BACE2: variants seen among roughly 807,000 people sequenced by gnomAD.
BACE2 encodes the protein beta-secretase 2.
In BACE2, 17 loss-of-function variants were observed where a neutral mutation model predicts 46.2. The observed-to-expected ratio is 0.37, with a 90% confidence interval of 0.25 to 0.55. BACE2 has a LOEUF of 0.55. Among genes scored for constraint, BACE2 ranks in the 20% least tolerant of loss-of-function variants. The pLI, the probability that BACE2 is intolerant of heterozygous loss-of-function variation, is 0.82. For synonymous variants in BACE2, 277 were observed against 295.9 expected, an observed-to-expected ratio of 0.94 and a Z score of 0.66; for missense variants, 595 against 698.1, an observed-to-expected ratio of 0.85 and a Z score of 1.66.
Position 41,237,721 on chromosome 21 carries a change from C to T in BACE2, c.610C>T (p.Leu204Phe), listed in dbSNP as rs1209863776. The stretch of plus-strand genomic sequence containing the variant: ...AATACTTGGCCTAGCTTATGCCACA[C>T]TTGCCAAGGTAAGGCTAATCCATGG... ...NGILGLAYAT[L>F]AKPSSSLETF... Residue 204 changes from leucine (L) to phenylalanine (F), a missense_variant, in exon 3 of 9, where the codon CTT becomes TTT. Around this residue, in one of 3 missense-constraint regions of BACE2, gnomAD observed 343 missense variants for 419.4 expected, o/e 0.82. Coordinates refer to ENST00000330333, the MANE Select transcript of BACE2 (RefSeq NM_012105.5). The T allele has an allele frequency of 6.2e-7, 1 of 1,612,828 alleles. No homozygotes were observed. The highest frequency in any genetic ancestry group is 8.5e-7 in the Non-Finnish European group (1 of 1,178,826).
chr21:41,179,188 G>C lies in BACE2; in HGVS notation c.312+10613G>C, dbSNP rs376232150. On this transcript the variant is annotated intron_variant, in intron 1 of 8. Coordinates refer to ENST00000330333, the MANE Select transcript of BACE2 (RefSeq NM_012105.5). ...AGGAGTGAGGGTGTCAGGGTGAGGA[G>C]TGAGGGTGTCCAGGTTGAGTGAGGG... 9.1e-5 allele frequency: 115 copies of C among 1,267,006 alleles called. No homozygotes were observed. In the Middle Eastern group the frequency reaches 1.1e-3, roughly 12 times the overall value. The allele number at this position is 1,267,006 out of a possible 1,614,324, so 78.5% of individuals were successfully genotyped here.
At position 41,276,287 on chromosome 21, in the gene BACE2, C is replaced by T. The variant is rs1217011457; in HGVS notation, c.*663C>T. 6.6e-6 allele frequency: 1 copy of T among 152,296 alleles called. No homozygotes were observed. The highest frequency in any genetic ancestry group is 1.5e-5 in the Non-Finnish European group (1 of 68,172). The allele number at this position is 152,296 out of a possible 1,614,324, so 9.4% of individuals were successfully genotyped here. A position where few individuals can be genotyped will look rare whatever the true frequency, so the allele number is the denominator to read the frequency against. ...TTCTGAAGATGGAAGGCCTTTTGCC[C>T]GTTGAGGTAGAGGGGAAGGAAATCT... On this transcript the variant is annotated 3_prime_UTR_variant, in exon 9 of 9. Coordinates refer to ENST00000330333, the MANE Select transcript of BACE2 (RefSeq NM_012105.5).
chr21:41,233,598 C>T (rs1038173861), intron 2 of BACE2, among the ~76,000 whole-genome samples: 9 of 152,204 alleles, frequency 5.9e-5, no homozygotes, highest in African/African-American at 2.2e-4. Context: ...TTTCTATAGC[C>T]TGGACAGAGT....
rs191292200 is a variant in BACE2, at chr21:41,251,528, C to T, written c.1134+627C>T. Among the ~76,000 whole-genome samples, 511 of 152,318 alleles carry T rather than the reference C, an allele frequency of 3.4e-3. 6 individuals are homozygous for T. Among genetic ancestry groups the T allele is most frequent in the African/African-American group, 0.012 (482 of 41,574 alleles). On this transcript the variant is annotated intron_variant, in intron 7 of 8. Coordinates refer to ENST00000330333, the MANE Select transcript of BACE2 (RefSeq NM_012105.5). The stretch of plus-strand genomic sequence containing the variant: ...ATAAAGAATAAAAGTGGGCTGGGTG[C>T]GGTGGCTCACGCCTGTAATCCCAGC...
At chr21:41,226,487 T>C (rs1215496676) in intron 2 of BACE2, 133 bp downstream of exon 2, 4 of 726,046 alleles carry the variant, frequency 5.5e-6, no homozygotes, top group Admixed American at 5.6e-5. Flanking sequence ...TGTGTATGTA[T>C]ACACACATGT....
chr21:41,222,669 C>T (rs1361028751), intron 1 of BACE2, among the ~76,000 whole-genome samples: 1 of 152,210 alleles, frequency 6.6e-6, no homozygotes, highest in Non-Finnish European at 1.5e-5. Flanking sequence ...TGTAATAGGA[C>T]TGTGGTGGCT....
At chr21:41,230,791 T>C (rs1257871343) in intron 2 of BACE2, among the ~76,000 whole-genome samples, 2 of 152,144 alleles carry the variant, frequency 1.3e-5, no homozygotes, top group Admixed American at 1.3e-4. Flanking sequence ...CATCTTTTCA[T>C]GGTGGTGAAT....
rs540354684 is a variant in BACE2, at chr21:41,282,237, G to C, written c.*6613G>C. The C allele has an allele frequency of 6.6e-6, 1 of 152,196 alleles. No homozygotes were observed. The highest frequency in any genetic ancestry group is 2.4e-5 in the African/African-American group (1 of 41,528). The allele number at this position is 152,196 out of a possible 1,614,324, so 9.4% of individuals were successfully genotyped here. On this transcript the variant is annotated 3_prime_UTR_variant, in exon 9 of 9. Transcript: ENST00000330333. Reference sequence around the variant, plus strand: ...TTTCTTAAGTGTAACTTGTATTTCTGAAAATGCTTAAAATTATTTTATATT... The same window carrying C: ...TTTCTTAAGTGTAACTTGTATTTCTCAAAATGCTTAAAATTATTTTATATT...
At chr21:41,230,894 C>T (rs1314471367) in intron 2 of BACE2, among the ~76,000 whole-genome samples, 1 of 152,190 alleles carries the variant, frequency 6.6e-6, no homozygotes, top group East Asian at 1.9e-4. Flanking sequence ...CCAATAAAAT[C>T]TCACCTCCAG....
At chr21:41,179,053 G>A in intron 1 of BACE2, 1 of 1,125,448 alleles carries the variant, frequency 8.9e-7, no homozygotes, top group South Asian at 1.6e-5. Context: ...TGCAGCCAGG[G>A]AGGTGAAGAC....
chr21:41,247,822 T>C (rs914187), intron 6 of BACE2, among the ~76,000 whole-genome samples: 95,107 of 152,112 alleles, frequency 0.63, 29,917 homozygotes, highest in Admixed American at 0.68. Context: ...ATGGGAAGGT[T>C]GTTTGTCTTG....
intron 2 of BACE2, among the ~76,000 whole-genome samples, chr21:41,230,744 A>G (rs769938424): frequency 5.3e-5 from 8 of 152,214 alleles, no homozygotes; most frequent in Non-Finnish European, 1.0e-4. Context: ...ATGTCAGGCT[A>G]CCATTAGTCA....
Position 41,281,498 on chromosome 21 carries a change from G to C in BACE2, c.*5874G>C, listed in dbSNP as rs1466830580. 7.2e-5 allele frequency: 11 copies of C among 152,182 alleles called. No individual in the cohort carries two copies. The highest frequency in any genetic ancestry group is 7.2e-4 in the Admixed American group (11 of 15,284). The allele number at this position is 152,182 out of a possible 1,614,324, so 9.4% of individuals were successfully genotyped here. A position where few individuals can be genotyped will look rare whatever the true frequency, so the allele number is the denominator to read the frequency against. ...TCATAAGCAGGGAAGTGTCTCCAAAGGTCAGGACATATGTTTTTCTGTTGA... is the reference window on the plus strand; with the variant it reads ...TCATAAGCAGGGAAGTGTCTCCAAACGTCAGGACATATGTTTTTCTGTTGA... On this transcript the variant is annotated 3_prime_UTR_variant, in exon 9 of 9. Coordinates refer to ENST00000330333, the MANE Select transcript of BACE2 (RefSeq NM_012105.5).
rs574497566 is a variant in BACE2, at chr21:41,174,225, C to T, written c.312+5650C>T. Among the ~76,000 whole-genome samples, 5 of 147,120 alleles carry T rather than the reference C, an allele frequency of 3.4e-5. No individual in the cohort carries two copies. The East Asian group carries it at 1.0e-3, about 30-fold the overall frequency. On this transcript the variant is annotated intron_variant, in intron 1 of 8. Coordinates refer to ENST00000330333, the MANE Select transcript of BACE2 (RefSeq NM_012105.5). ...TGGCCTGATCTTGGCTCACTGCAAC[C>T]TCCACCTCCCAGGTTCAAGCGATTC...
intron 6 of BACE2, 42 bp downstream of exon 6, chr21:41,246,105 T>TA (rs1161920715): frequency 1.3e-6 from 2 of 1,491,628 alleles, no homozygotes; most frequent in Non-Finnish European, 1.8e-6. Context: ...GTTGCTGAGT[T>TA]ACAGTCACCT....
chr21:41,253,116 A>G (rs1292168710), intron 7 of BACE2, among the ~76,000 whole-genome samples: 1 of 152,194 alleles, frequency 6.6e-6, no homozygotes, highest in Non-Finnish European at 1.5e-5. Context: ...TTACAATGCT[A>G]TGTTTTCAGC....
At chr21:41,200,400 A>G (rs1007382298) in intron 1 of BACE2, among the ~76,000 whole-genome samples, 5 of 152,172 alleles carry the variant, frequency 3.3e-5, no homozygotes, top group African/African-American at 1.2e-4. Context: ...GGCTGTAGAA[A>G]CTTAGAAGCC....
intron 2 of BACE2, among the ~76,000 whole-genome samples, chr21:41,233,632 G>A (rs1302020018): frequency 6.6e-6 from 1 of 152,226 alleles, no homozygotes; most frequent in Non-Finnish European, 1.5e-5. Context: ...TCAAAAGGAA[G>A]TCATAGCATT....
intron 1 of BACE2, among the ~76,000 whole-genome samples, chr21:41,204,079 C>T (rs1986050306): frequency 6.6e-6 from 1 of 152,182 alleles, no homozygotes; most frequent in South Asian, 2.1e-4. Context: ...TGCAGTGGTG[C>T]AGTCTTGGCT....
Sources: gnomAD v4.1 joint callset for allele counts (sites outside exome capture counted in the v4.1 genomes callset) on GRCh38, gnomAD v4.1.1 for gene constraint, gnomAD v4.1.1 regional missense constraint, MANE v1.5 for transcripts, NCBI Gene and HGNC (gene_info 2026-07-23, HGNC 2026-07-21) for gene names.